EHMT1: variants seen among roughly 807,000 people sequenced by gnomAD.
EHMT1 encodes the protein euchromatic histone lysine methyltransferase 1, also known as histone-lysine N-methyltransferase EHMT1.
EHMT1 carries 15 observed loss-of-function variants against 147.2 expected under a neutral mutation model. The observed-to-expected ratio is 0.10, with a 90% CI of 0.07 to 0.16. The LOEUF is 0.16. Among genes scored for constraint, EHMT1 ranks in the 10% least tolerant of loss-of-function variants. The pLI is 1.00. For synonymous variants in EHMT1, 795 were observed against 709.6 expected, an observed-to-expected ratio of 1.12 and a Z score of -1.91; for missense variants, 1,587 against 1,772.4, an observed-to-expected ratio of 0.90 and a Z score of 1.88.
Position 137,776,653 on chromosome 9 carries a change from C to G in EHMT1, c.1827C>G (p.Ile609Met). 1.2e-6 allele frequency: 2 copies of G among 1,614,164 alleles called. No homozygotes were observed. The highest frequency in any genetic ancestry group is 1.7e-6 in the Non-Finnish European group (2 of 1,180,038). The change falls in exon 12 of 27, where the codon ATC becomes ATG. Residue 609 changes from isoleucine (I) to methionine (M), a missense_variant. Coordinates refer to ENST00000460843, the MANE Select transcript of EHMT1 (RefSeq NM_024757.5). This position sits in a 1 kb window ranked among gnomAD's most constrained non-coding sequence, Gnocchi z 4.4. ...NFMECQPESS[I>M]SHRFHKDCAS... ...TGGAGTGTCAGCCCGAGAGCAGCAT[C>G]TCTCACCGTTTCCACAAAGACTGTG...
At chr9:137,819,816 A>C (rs1421949209) in intron 25 of EHMT1, among the ~76,000 whole-genome samples, 1 of 151,544 alleles carries the variant, frequency 6.6e-6, no homozygotes. Context: ...CAGGCGCTAG[A>C]ATCTTGTGTG....
chr9:137,784,551 C>A, intron 15 of EHMT1: 1 of 505,620 alleles, frequency 2.0e-6, no homozygotes, highest in Non-Finnish European at 2.6e-6. Flanking sequence ...TTGATTTTGC[C>A]ATTTCTCTTC....
chr9:137,748,402 C>T (rs1157233224), intron 6 of EHMT1, among the ~76,000 whole-genome samples: 4 of 152,296 alleles, frequency 2.6e-5, no homozygotes, highest in African/African-American at 4.8e-5. Flanking sequence ...TGTCTGTGTC[C>T]GTCCCACTGT....
intron 6 of EHMT1, among the ~76,000 whole-genome samples, chr9:137,751,586 G>A (rs765974257): frequency 1.1e-4 from 17 of 152,212 alleles, no homozygotes; most frequent in Non-Finnish European, 1.2e-4. Flanking sequence ...GGAGACTCAC[G>A]TATGTTTCAG....
chr9:137,816,463 A>ATAC, intron 23 of EHMT1: 1 of 338,282 alleles, frequency 3.0e-6, no homozygotes, highest in South Asian at 2.4e-5. Flanking sequence ...CCTAACAGTG[A>ATAC]GGTGATGTCC....
intron 16 of EHMT1, among the ~76,000 whole-genome samples, chr9:137,793,825 A>G (rs1952703198): frequency 6.6e-6 from 1 of 152,224 alleles, no homozygotes; most frequent in Non-Finnish European, 1.5e-5. Context: ...GATAGAAGCC[A>G]TCGAGAGTAG....
Position 137,787,871 on chromosome 9 carries a change from TG to T in EHMT1, c.2383-2972del. ...GTGGACATTGGGGATAGGAGGTGGGTGGGGGTGCCAAGGGCATTACCACATT... is the reference window on the plus strand; with the variant it reads ...GTGGACATTGGGGATAGGAGGTGGGTGGGGTGCCAAGGGCATTACCACATT... On this transcript the variant is annotated intron_variant, in intron 15 of 26. Transcript: ENST00000460843. This position sits in a 1 kb window ranked among gnomAD's most constrained non-coding sequence, Gnocchi z 4.2. 8.4e-7 allele frequency: 1 copy of T among 1,193,498 alleles called. No homozygotes were observed. The allele number at this position is 1,193,498 out of a possible 1,614,324, so 73.9% of individuals were successfully genotyped here.
chr9:137,699,014 G>T (rs1943620481), intron 1 of EHMT1, among the ~76,000 whole-genome samples: 1 of 152,162 alleles, frequency 6.6e-6, no homozygotes, highest in South Asian at 2.1e-4. Flanking sequence ...CCTGCAGGGT[G>T]CAGGGTGTGC....
intron 24 of EHMT1, 184 bp from the exon 25 acceptor site, chr9:137,817,876 A>C (rs1955052253): frequency 1.5e-6 from 1 of 664,108 alleles, no homozygotes; most frequent in East Asian, 2.7e-5. Context: ...TATCGTTATC[A>C]TCATCCTCCG....
At chr9:137,661,763 A>G (rs1273548042) in intron 1 of EHMT1, among the ~76,000 whole-genome samples, 2 of 152,080 alleles carry the variant, frequency 1.3e-5, no homozygotes, top group East Asian at 3.9e-4. Context: ...GGCGTGAGCC[A>G]CTGCACCCGG....
intron 1 of EHMT1, among the ~76,000 whole-genome samples, chr9:137,669,511 C>T (rs1670184328): frequency 4.1e-4 from 2 of 4,876 alleles, no homozygotes; most frequent in Non-Finnish European, 9.6e-4. Flanking sequence ...CAAGACGCCC[C>T]GCACAGCACG....
chr9:137,809,653 G>A (rs113135537), intron 18 of EHMT1, among the ~76,000 whole-genome samples: 2,177 of 152,358 alleles, frequency 0.014, 56 homozygotes, highest in African/African-American at 0.049. Context: ...CTTCAGGAAC[G>A]TGAAACGCTC....
intron 16 of EHMT1, among the ~76,000 whole-genome samples, chr9:137,797,026 G>A (rs1268058957): frequency 1.3e-5 from 2 of 152,164 alleles, no homozygotes; most frequent in East Asian, 1.9e-4. Context: ...TTAAAAGGGT[G>A]TAAAAACATC....
intron 15 of EHMT1, chr9:137,784,542 T>G (rs948472397): frequency 8.4e-6 from 5 of 597,238 alleles, no homozygotes; most frequent in Non-Finnish European, 1.1e-5. Flanking sequence ...GGTTTTATTT[T>G]GATTTTGCCA....
chr9:137,732,345 C>T lies in EHMT1; in HGVS notation c.823+3816C>T, dbSNP rs1454910194. 6.6e-6 allele frequency among the ~76,000 whole-genome samples: 1 copy of T among 152,174 alleles called. No homozygotes were observed. Among genetic ancestry groups the T allele is most frequent in the East Asian group, 1.9e-4 (1 of 5,188 alleles). On this transcript the variant is annotated intron_variant, in intron 4 of 26. Coordinates refer to ENST00000460843, the MANE Select transcript of EHMT1 (RefSeq NM_024757.5). The surrounding 1 kb of genome is among the most constrained non-coding windows in gnomAD (Gnocchi z 4.6). ...AACATGTTACAGCCCTTTTTGCACC[C>T]GCTGTTGCGTGGGTCCCGAGTTCTT...
chr9:137,700,876 A>G (rs1034928590), intron 1 of EHMT1, among the ~76,000 whole-genome samples: 1 of 152,134 alleles, frequency 6.6e-6, no homozygotes, highest in African/African-American at 2.4e-5. Context: ...ATAAAGACAT[A>G]CCTGAGGCTG....
intron 1 of EHMT1, among the ~76,000 whole-genome samples, chr9:137,701,792 TA>T (rs71387858): frequency 0.4 from 48,389 of 121,726 alleles, 8,635 homozygotes; most frequent in African/African-American, 0.51. Context: ...CATGCCTGGT[TA>T]AATTTTTTTT....
chr9:137,643,538 C>G (rs10867038), intron 1 of EHMT1, among the ~76,000 whole-genome samples: 2 of 151,678 alleles, frequency 1.3e-5, no homozygotes, highest in Admixed American at 1.3e-4. Flanking sequence ...TTAGTAGAGA[C>G]GGGGTTTCAC....
intron 1 of EHMT1, among the ~76,000 whole-genome samples, chr9:137,675,862 C>G (rs1185297827): frequency 1.4e-5 from 2 of 143,232 alleles, no homozygotes; most frequent in Admixed American, 1.4e-4. Context: ...CGGCTCACTG[C>G]AAGCTCCGCC....
Sources: gnomAD v4.1 joint callset for allele counts (sites outside exome capture counted in the v4.1 genomes callset) on GRCh38, gnomAD v4.1.1 for gene constraint, Gnocchi (gnomAD v3.1) non-coding constraint, MANE v1.5 for transcripts, NCBI Gene and HGNC (gene_info 2026-07-23, HGNC 2026-07-21) for gene names.